The following GK5 variants were observed in gnomAD, a reference collection of about 807,000 sequenced individuals.
GK5 encodes ATP:glycerol 3-phosphotransferase 5.
GK5 carries 39 observed loss-of-function variants against 77.3 expected under a neutral mutation model. The observed-to-expected ratio is 0.50, with a 90% confidence interval of 0.39 to 0.66. The LOEUF (loss-of-function observed/expected upper bound fraction) is 0.66. Ranked by LOEUF, GK5 falls within the 30% of genes least tolerant of loss-of-function variation. The probability of loss-of-function intolerance (pLI) is 0.00; values close to 1 mark genes in which losing one functional copy is unlikely to be tolerated. For synonymous variants in GK5, 211 were observed against 208.0 expected (o/e 1.01, Z -0.13); for missense variants, 487 against 633.8 (o/e 0.77, Z 2.49).
chr3:142,213,801 A>C (rs566256237), intron 2 of GK5, among the ~76,000 whole-genome samples, 200 bp from the exon 3 acceptor site: 1 of 152,192 alleles, frequency 6.6e-6, no homozygotes, highest in Admixed American at 6.5e-5. Context: ...GAAGAAAACA[A>C]AGGTTGTTTC....
intron 10 of GK5, among the ~76,000 whole-genome samples, chr3:142,182,138 A>G (rs558902244): frequency 2.6e-5 from 4 of 152,294 alleles, no homozygotes; most frequent in African/African-American, 9.6e-5. Context: ...CTTAGTAACC[A>G]TGTTATGGAA....
intron 5 of GK5, among the ~76,000 whole-genome samples, chr3:142,192,757 C>G (rs2063870407): frequency 7.0e-6 from 1 of 143,532 alleles, no homozygotes; most frequent in Non-Finnish European, 1.5e-5. Context: ...GAGTGAGACT[C>G]TGTCTCAAAA....
intron 10 of GK5, 53 bp from the exon 11 acceptor site, chr3:142,181,618 G>T: frequency 8.2e-7 from 1 of 1,214,664 alleles, no homozygotes; most frequent in Non-Finnish European, 1.2e-6. Flanking sequence ...ATTCATTATA[G>T]AGACTTCTAC....
In GK5 at chr3:142,177,488, T is replaced by C; in HGVS notation, c.1137A>G (p.Gly379=). 1.9e-6 allele frequency: 3 copies of C among 1,588,486 alleles called. No homozygotes were observed. The highest frequency in any genetic ancestry group is 2.6e-6 in the Non-Finnish European group (3 of 1,158,404). Residue 379 remains glycine (G), a synonymous_variant, in exon 12 of 16, where the codon GGA becomes GGG. Transcript: ENST00000392993. ...AACTTTAAAAAATACATACCTGTAA[T>C]CCACTAAAAGATGGAACAAAACAAA... ...EGVCFVPSFS[G]LQAPLNDPWA...
At position 142,186,180 on chromosome 3, in the gene GK5, A is replaced by G; in HGVS notation, c.755+14T>C. 2.7e-6 allele frequency: 4 copies of G among 1,492,888 alleles called. No individual in the cohort carries two copies. The highest frequency in any genetic ancestry group is 1.4e-5 in the African/African-American group (1 of 72,544). The allele number at this position is 1,492,888 out of a possible 1,614,324, so 92.5% of individuals were successfully genotyped here. ...ACCATTGTGCTGGTTACTATGTCTG[A>G]TGTTTATTATTACCTTGTGTCCCTC... On this transcript the variant is annotated intron_variant, in intron 8 of 15. Transcript: ENST00000392993.
chr3:142,213,643 G>T, intron 2 of GK5, 42 bp from the exon 3 acceptor site: 1 of 1,280,214 alleles, frequency 7.8e-7, no homozygotes, highest in South Asian at 1.2e-5. Context: ...TAAAGCCAGT[G>T]ATATTTTTCT....
intron 12 of GK5, chr3:142,173,199 T>TAAAA: frequency 9.1e-5 from 35 of 382,760 alleles, no homozygotes; most frequent in South Asian, 1.7e-4. Flanking sequence ...AGACAGGGTC[T>TAAAA]AAAAAAAAAA....
At chr3:142,213,405 T>G (rs1405926637) in intron 3 of GK5, 121 bp downstream of exon 3, 1 of 715,622 alleles carries the variant, frequency 1.4e-6, no homozygotes, top group Non-Finnish European at 2.5e-6. Context: ...ATTTCATCCC[T>G]CTTAACCAAA....
intron 2 of GK5, among the ~76,000 whole-genome samples, chr3:142,214,120 G>A (rs550309146): frequency 7.9e-5 from 12 of 152,156 alleles, no homozygotes; most frequent in Non-Finnish European, 1.0e-4. Flanking sequence ...CACTGTGCCC[G>A]GCCTTAAAGG....
At position 142,198,789 on chromosome 3, in the gene GK5, A is replaced by G; in HGVS notation, c.543+13T>C. 2 of 1,603,244 alleles carry G rather than the reference A, an allele frequency of 1.2e-6. No homozygotes were observed. Among genetic ancestry groups the G allele is most frequent in the Non-Finnish European group, 1.7e-6 (2 of 1,176,374 alleles). On this transcript the variant is annotated intron_variant, in intron 5 of 15. Transcript: ENST00000392993. ...ACACACATATTTTCCACATACACAC[A>G]GTATTTTCTTACCTCAGTCAAGTTC...
chr3:142,162,382 G>A lies in GK5; in HGVS notation c.*3240C>T, dbSNP rs748169352. On this transcript the variant is annotated 3_prime_UTR_variant, in exon 16 of 16. Coordinates refer to ENST00000392993, the MANE Select transcript of GK5 (RefSeq NM_001039547.3). ...TTGTAGCTAGAGGGCAGAGGTCAGG[G>A]ATATTGCTAAACATCCTATAAAGTA... 1 of 152,110 alleles carries A rather than the reference G, an allele frequency of 6.6e-6. No homozygotes were observed. The highest frequency in any genetic ancestry group is 1.5e-5 in the Non-Finnish European group (1 of 68,046). The allele number at this position is 152,110 out of a possible 1,614,324, so 9.4% of individuals were successfully genotyped here.
In GK5 at chr3:142,163,607, G is replaced by T. The variant is rs989603250; in HGVS notation, c.*2015C>A. On this transcript the variant is annotated 3_prime_UTR_variant, in exon 16 of 16. Transcript: ENST00000392993. ...CCTTTATTTTGTGGTTATATGTTGG[G>T]AAAGAAGAACGTGGAAAAGAAGTGA... is the stretch of plus-strand genomic sequence containing the variant. 1.3e-5 allele frequency: 2 copies of T among 152,070 alleles called. No homozygotes were observed. The highest frequency in any genetic ancestry group is 2.9e-5 in the Non-Finnish European group (2 of 68,050). The allele number at this position is 152,070 out of a possible 1,614,324, so 9.4% of individuals were successfully genotyped here. A position where few individuals can be genotyped will look rare whatever the true frequency, so the allele number is the denominator to read the frequency against.
rs1235890662 is a variant in GK5, at chr3:142,161,416, CA to C, written c.*4205del. 1 of 152,058 alleles carries C rather than the reference CA, an allele frequency of 6.6e-6. No homozygotes were observed. The highest frequency in any genetic ancestry group is 1.5e-5 in the Non-Finnish European group (1 of 68,018). The allele number at this position is 152,058 out of a possible 1,614,324, so 9.4% of individuals were successfully genotyped here. ...TAATCCAACAAAAAAGTATTTTACT[CA>C]CAACAAATATAAATTGCCCCCATCA... On this transcript the variant is annotated 3_prime_UTR_variant, in exon 16 of 16. Coordinates refer to ENST00000392993, the MANE Select transcript of GK5 (RefSeq NM_001039547.3).
At chr3:142,183,887 C>T (rs192214987) in intron 9 of GK5, among the ~76,000 whole-genome samples, 16 of 152,196 alleles carry the variant, frequency 1.1e-4, no homozygotes, top group Admixed American at 2.0e-4. Context: ...GCATGAACCA[C>T]CATGCCCGGC....
intron 3 of GK5, among the ~76,000 whole-genome samples, chr3:142,212,122 C>G (rs2064195619): frequency 6.6e-6 from 1 of 152,154 alleles, no homozygotes; most frequent in African/African-American, 2.4e-5. Context: ...TCCCCCTCTG[C>G]TCACTTTTCT....
intron 4 of GK5, among the ~76,000 whole-genome samples, chr3:142,200,907 C>A (rs1362245356): frequency 6.6e-6 from 1 of 152,022 alleles, no homozygotes; most frequent in African/African-American, 2.4e-5. Context: ...AGTGAGAAGA[C>A]AAATAAGCAA....
At chr3:142,198,343 C>G (rs11927535) in intron 5 of GK5, among the ~76,000 whole-genome samples, 1 of 151,434 alleles carries the variant, frequency 6.6e-6, no homozygotes, top group South Asian at 2.1e-4. Flanking sequence ...CGGGGAGTGG[C>G]GGCTCACGCT....
chr3:142,212,200 G>A (rs1474104028), intron 3 of GK5, among the ~76,000 whole-genome samples: 1 of 151,992 alleles, frequency 6.6e-6, no homozygotes, highest in Non-Finnish European at 1.5e-5. Context: ...TTTTACAGTG[G>A]TGTGTGTGGG....
At chr3:142,182,785 G>A (rs896682261) in intron 10 of GK5, 138 bp downstream of exon 10, 3 of 559,070 alleles carry the variant, frequency 5.4e-6, no homozygotes, top group Middle Eastern at 5.0e-4. Flanking sequence ...AAAGGGAAAT[G>A]ATAATTAACT....
Sources: gnomAD v4.1 joint callset for allele counts (sites outside exome capture counted in the v4.1 genomes callset) on GRCh38, gnomAD v4.1.1 for gene constraint, MANE v1.5 for transcripts, NCBI Gene and HGNC (gene_info 2026-07-23, HGNC 2026-07-21) for gene names.